KCNC3: variants seen among roughly 807,000 people sequenced by gnomAD.
The protein encoded by KCNC3 is potassium voltage-gated channel subfamily C member 3.
In KCNC3, 22 loss-of-function variants were observed where a neutral mutation model predicts 43.9. The ratio of observed to expected loss-of-function variants is 0.50; its 90% CI spans 0.36 to 0.72. The LOEUF (loss-of-function observed/expected upper bound fraction) is 0.72. KCNC3 is among the 30% of genes least tolerant of loss of function. The pLI, the probability that KCNC3 is intolerant of heterozygous loss-of-function variation, is 0.00. For synonymous variants in KCNC3, 492 were observed against 488.0 expected, an observed-to-expected ratio of 1.01 and a Z score of -0.11; for missense variants, 829 against 1,073.8, an observed-to-expected ratio of 0.77 and a Z score of 3.19.
rs1054419172 is a variant in KCNC3 at position 50,328,462 on chromosome 19, G to A, written c.621C>T (p.Pro207=). Residue 207 remains proline (P), a synonymous_variant, in exon 1 of 5, where the codon CCC becomes CCT. Coordinates refer to ENST00000477616, the MANE Select transcript of KCNC3 (RefSeq NM_004977.3). The part of the protein sequence containing the change: ...EALDSFEAPD[P]AGAANAANAA... ...CGTTGGCGGCGTTGGCGGCGCCCGCGGGGTCGGGCGCCTCGAAGGAGTCGA... is the reference window on the plus strand; with the variant it reads ...CGTTGGCGGCGTTGGCGGCGCCCGCAGGGTCGGGCGCCTCGAAGGAGTCGA... The A allele has an allele frequency of 2.5e-6, 4 of 1,594,000 alleles. No individual in the cohort carries two copies. In the African/African-American group the frequency reaches 5.4e-5, roughly 22 times the overall value.
upstream of KCNC3, among the ~76,000 whole-genome samples, chr19:50,331,270 C>T (rs1182732534): frequency 1.1e-4 from 13 of 119,978 alleles, no homozygotes; most frequent in African/African-American, 6.0e-4. Context: ...AGTCCCCGCC[C>T]CCCCACCCCA....
At position 50,324,555 on chromosome 19, in the gene KCNC3, G is replaced by A. The variant is rs2037079802; in HGVS notation, c.871-473C>T. Among the ~76,000 whole-genome samples the A allele has an allele frequency of 6.6e-6, 1 of 152,220 alleles. No homozygotes were observed. On this transcript the variant is annotated intron_variant, in intron 1 of 4. Transcript: ENST00000477616. The surrounding 1 kb of genome is among the most constrained non-coding windows in gnomAD (Gnocchi z 4.1). ...CAGACGGGAAGGGAGAAGGCGGGCA[G>A]GGAGGCAGAATCGTGAGGTGGTTAA...
chr19:50,317,058 T>TC (rs1397203816), intron 4 of KCNC3, among the ~76,000 whole-genome samples: 1 of 89,648 alleles, frequency 1.1e-5, no homozygotes, highest in Non-Finnish European at 2.3e-5. Context: ...CCACACCCTC[T>TC]CCCCCTCAAT....
chr19:50,320,750 C>A lies in KCNC3; in HGVS notation c.2013G>T (p.Ala671=). Residue 671 remains alanine, a synonymous_variant, in exon 3 of 5, where the codon GCG becomes GCT. Transcript: ENST00000477616. ...TGGCTGGGCAGTCCTCGTGGGCAAGCGCAGCTGCTGCCGGATCCCCATTGG... is the reference window on the plus strand; with the variant it reads ...TGGCTGGGCAGTCCTCGTGGGCAAGAGCAGCTGCTGCCGGATCCCCATTGG... ...PRPNGDPAAA[A]LAHEDCPAID... The A allele has an allele frequency of 6.2e-7, 1 of 1,613,874 alleles. No individual in the cohort carries two copies. The highest frequency in any genetic ancestry group is 8.5e-7 in the Non-Finnish European group (1 of 1,179,948).
At chr19:50,327,332 C>G (rs1179876925) in intron 1 of KCNC3, among the ~76,000 whole-genome samples, 1 of 151,996 alleles carries the variant, frequency 6.6e-6, no homozygotes, top group African/African-American at 2.4e-5. Flanking sequence ...GGGGAAAGTC[C>G]TTGAGATGGG....
chr19:50,320,263 C>T lies in KCNC3; in HGVS notation c.2257G>A (p.Ala753Thr). Residue 753 changes from alanine to threonine, a missense_variant, in exon 4 of 5, where the codon GCC (alanine) becomes ACC (threonine). Ala to Thr is a moderately conservative substitution (Grantham distance 58). This residue lies in a region of KCNC3 where 308 missense variants were observed against 276.2 expected (regional missense o/e 1.11). Coordinates refer to ENST00000477616, the MANE Select transcript of KCNC3 (RefSeq NM_004977.3). ...TTCGTCCACTAGGGGGATATCCAGG[C>T]CGCGGCGTTGGCGTTGAGGTCGGGC... ...FLPDLNANAA[A>T]WISP 9.6e-7 allele frequency: 1 copy of T among 1,046,934 alleles called. No individual in the cohort carries two copies. Among genetic ancestry groups the T allele is most frequent in the Non-Finnish European group, 1.3e-6 (1 of 787,068 alleles). 64.9% of individuals were successfully genotyped at this position (1,046,934 alleles called of 1,614,324 possible).
chr19:50,325,544 C>A (rs1053607755), intron 1 of KCNC3, among the ~76,000 whole-genome samples: 4 of 151,858 alleles, frequency 2.6e-5, no homozygotes, highest in Non-Finnish European at 5.9e-5. Flanking sequence ...GGACCCTGGA[C>A]GTTGGGGTGG....
chr19:50,320,714 A>C lies in KCNC3; in HGVS notation c.2049T>G (p.Pro683=). ...GGCTCTTGTCTTCCGGGGACATGGC[A>C]GGCTGGTCAATGGCTGGGCAGTCCT... is the stretch of plus-strand genomic sequence containing the variant. ...AHEDCPAIDQ[P]AMSPEDKSPI... The change falls in exon 3 of 5, where the codon CCT becomes CCG. Residue 683 remains proline, a synonymous_variant. Coordinates refer to ENST00000477616, the MANE Select transcript of KCNC3 (RefSeq NM_004977.3). 6.2e-7 allele frequency: 1 copy of C among 1,613,904 alleles called. No homozygotes were observed. The highest frequency in any genetic ancestry group is 1.3e-5 in the African/African-American group (1 of 74,964).
Position 50,323,225 on chromosome 19 carries a change from C to T in KCNC3, c.1728G>A (p.Lys576=), listed in dbSNP as rs1305677332. The T allele has an allele frequency of 1.3e-6, 2 of 1,562,934 alleles. No homozygotes were observed. Among genetic ancestry groups the T allele is most frequent in the Non-Finnish European group, 1.7e-6 (2 of 1,161,472 alleles). ...GCGGGGGTGGCGGGGGTGGGTCAGG[C>T]TTGCAGTAGTTGGGCGAGCCCGGTT... ...PPQPGSPNYC[K]PDPPPPPPPH... Residue 576 remains lysine, a synonymous_variant, in exon 2 of 5, where the codon AAG becomes AAA. Transcript: ENST00000477616.
Position 50,324,217 on chromosome 19 carries a change from A to G in KCNC3, c.871-135T>C, listed in dbSNP as rs7256281. On this transcript the variant is annotated intron_variant, in intron 1 of 4. Coordinates refer to ENST00000477616, the MANE Select transcript of KCNC3 (RefSeq NM_004977.3). The surrounding 1 kb of genome is among the most constrained non-coding windows in gnomAD (Gnocchi z 4.1). ...ACTCTGGGCAAAATCCAGGTGTCTCAGCCCTGTGGCTCCATCACTTCCAGA... is the reference window on the plus strand; with the variant it reads ...ACTCTGGGCAAAATCCAGGTGTCTCGGCCCTGTGGCTCCATCACTTCCAGA... 225,280 of 780,288 alleles carry G rather than the reference A, an allele frequency of 0.29. 33,783 individuals are homozygous for G. Among genetic ancestry groups the G allele is most frequent in the African/African-American group, 0.44 (24,882 of 56,990 alleles). 48.3% of individuals were successfully genotyped at this position (780,288 alleles called of 1,614,324 possible).
At chr19:50,322,537 C>G (rs1236242054) in intron 2 of KCNC3, among the ~76,000 whole-genome samples, 1 of 152,190 alleles carries the variant, frequency 6.6e-6, no homozygotes, top group Non-Finnish European at 1.5e-5. Context: ...CTCTCGGTTT[C>G]TGACTCCCCG....
At position 50,320,300 on chromosome 19, in the gene KCNC3, G is replaced by T; in HGVS notation, c.2220C>A (p.Pro740=). 2 of 927,576 alleles carry T rather than the reference G, an allele frequency of 2.2e-6. No homozygotes were observed. Among genetic ancestry groups the T allele is most frequent in the South Asian group, 2.3e-5 (1 of 43,706 alleles). The allele number at this position is 927,576 out of a possible 1,614,324, so 57.5% of individuals were successfully genotyped here. A position where few individuals can be genotyped will look rare whatever the true frequency, so the allele number is the denominator to read the frequency against. Residue 740 remains proline (P), a synonymous_variant, in exon 4 of 5, where the codon CCC becomes CCA. Transcript: ENST00000477616. ...LPPQDWRKPG[P]PSFLPDLNAN... is the part of the protein sequence containing the mutation. ...CGTTGAGGTCGGGCAAGAAGCTTGG[G>T]GGGCCTGGCTTACGCCAGTCTTGGG...
chr19:50,320,900 C>T, intron 2 of KCNC3, 116 bp from the exon 3 acceptor site: 1 of 1,008,032 alleles, frequency 9.9e-7, no homozygotes, highest in Non-Finnish European at 1.5e-6. Context: ...GGATGTTTGG[C>T]ACTGGAAGTG....
chr19:50,317,274 T>C (rs980951161), intron 4 of KCNC3, among the ~76,000 whole-genome samples: 6 of 151,958 alleles, frequency 3.9e-5, no homozygotes, highest in African/African-American at 7.3e-5. Flanking sequence ...CCCTCTGGAC[T>C]AGGAGCCCGG....
intron 1 of KCNC3, among the ~76,000 whole-genome samples, chr19:50,326,924 G>T (rs4090540): frequency 1.6e-4 from 23 of 146,788 alleles, no homozygotes; most frequent in South Asian, 4.2e-4. Flanking sequence ...TTGCACGGCG[G>T]GGGGGGAGGT....
At chr19:50,321,510 C>T (rs1022472625) in intron 2 of KCNC3, among the ~76,000 whole-genome samples, 1 of 152,132 alleles carries the variant, frequency 6.6e-6, no homozygotes, top group Non-Finnish European at 1.5e-5. Flanking sequence ...TGGCTTACGC[C>T]TGTAATCCCA....
chr19:50,322,134 C>T (rs1029460773), intron 2 of KCNC3, among the ~76,000 whole-genome samples: 10 of 151,682 alleles, frequency 6.6e-5, no homozygotes, highest in African/African-American at 2.4e-4. Flanking sequence ...TCTTGACCTA[C>T]TTAAGGCGGG....
intron 1 of KCNC3, among the ~76,000 whole-genome samples, chr19:50,326,925 G>A (rs184487269): frequency 9.3e-5 from 14 of 151,110 alleles, no homozygotes; most frequent in African/African-American, 3.4e-4. Flanking sequence ...TGCACGGCGG[G>A]GGGGGAGGTT....
At chr19:50,332,112 C>T (rs970715506), upstream of KCNC3, among the ~76,000 whole-genome samples, 3 of 152,194 alleles carry the variant, frequency 2.0e-5, no homozygotes, top group Non-Finnish European at 4.4e-5. This position sits in a 1 kb window ranked among gnomAD's most constrained non-coding sequence, Gnocchi z 5.8. Context: ...GGTGCACCCC[C>T]AGGCAGAAGC....
Sources: gnomAD v4.1 joint callset for allele counts (sites outside exome capture counted in the v4.1 genomes callset) on GRCh38, gnomAD v4.1.1 for gene constraint, gnomAD v4.1.1 regional missense constraint, Gnocchi (gnomAD v3.1) non-coding constraint, MANE v1.5 for transcripts, NCBI Gene and HGNC (gene_info 2026-07-23, HGNC 2026-07-21) for gene names.